The following LNX2 variants were observed in gnomAD, a reference collection of about 807,000 sequenced individuals.
The protein encoded by LNX2 is ligand of numb-protein X 2.
LNX2 carries 35 observed loss-of-function variants against 66.2 expected under a neutral mutation model. The observed-to-expected ratio is 0.53, with a 90% CI of 0.40 to 0.70. The LOEUF (loss-of-function observed/expected upper bound fraction) is 0.70, where lower values mean the gene tolerates loss of function less well. Among genes scored for constraint, LNX2 ranks in the 30% least tolerant of loss-of-function variants. The pLI is 0.00. For synonymous variants in LNX2, 337 were observed against 315.6 expected, an observed-to-expected ratio of 1.07 and a Z score of -0.72; for missense variants, 791 against 850.8, an observed-to-expected ratio of 0.93 and a Z score of 0.87.
At chr13:27,580,133 T>C (rs369387393) in intron 2 of LNX2, among the ~76,000 whole-genome samples, 16 of 152,242 alleles carry the variant, frequency 1.1e-4, no homozygotes, top group African/African-American at 3.6e-4. Flanking sequence ...TGAATGTGTA[T>C]TTCATGTGCA....
rs1181834268 is a variant in LNX2 at position 27,551,909 on chromosome 13, C to T, written c.1778+1299G>A. ...TTTCACGAAAAGCAGAGCAGAGCTG[C>T]TACACTATGCCGTGTGAAACCTGCA... On this transcript the variant is annotated intron_variant, in intron 8 of 9. Transcript: ENST00000316334. Among the ~76,000 whole-genome samples the T allele has an allele frequency of 3.3e-5, 5 of 152,280 alleles. No individual in the cohort carries two copies. The South Asian group carries it at 8.3e-4, about 25-fold the overall frequency.
chr13:27,620,029 C>T (rs1270383790), intron 1 of LNX2, among the ~76,000 whole-genome samples: 1 of 152,182 alleles, frequency 6.6e-6, no homozygotes, highest in Non-Finnish European at 1.5e-5. Flanking sequence ...CCACCTCTCC[C>T]TTCCCTTAAG....
At chr13:27,602,265 C>A (rs1441543353) in intron 1 of LNX2, among the ~76,000 whole-genome samples, 1 of 152,076 alleles carries the variant, frequency 6.6e-6, no homozygotes, top group African/African-American at 2.4e-5. Context: ...CTTAAGTCTA[C>A]ATTAATTAAG....
intron 4 of LNX2, among the ~76,000 whole-genome samples, chr13:27,566,405 C>G (rs1169502098): frequency 6.6e-6 from 1 of 152,172 alleles, no homozygotes; most frequent in Non-Finnish European, 1.5e-5. Flanking sequence ...CCACCAGCAA[C>G]TAGTATAGTG....
chr13:27,568,999 G>T, intron 3 of LNX2, 30 bp downstream of exon 3: 1 of 1,568,286 alleles, frequency 6.4e-7, no homozygotes, highest in South Asian at 1.2e-5. Flanking sequence ...AAATAGAGAT[G>T]AAATACACAA....
At chr13:27,585,092 G>T (rs1409784982) in intron 1 of LNX2, among the ~76,000 whole-genome samples, 5 of 149,926 alleles carry the variant, frequency 3.3e-5, no homozygotes, top group African/African-American at 1.2e-4. Context: ...CCGCACTCCA[G>T]CCTGGGTGAC....
intron 8 of LNX2, among the ~76,000 whole-genome samples, chr13:27,551,858 G>A (rs1040529939): frequency 1.1e-4 from 17 of 152,226 alleles, no homozygotes; most frequent in Admixed American, 9.2e-4. Flanking sequence ...GTATACCCCA[G>A]CAAATCGCAG....
intron 1 of LNX2, among the ~76,000 whole-genome samples, chr13:27,616,059 T>C (rs1955822151): frequency 6.6e-6 from 1 of 151,536 alleles, no homozygotes; most frequent in Admixed American, 6.6e-5. Context: ...CCCAAGATGG[T>C]AGGGGTGCAG....
At chr13:27,555,163 G>C (rs941824680) in intron 7 of LNX2, among the ~76,000 whole-genome samples, 5 of 152,160 alleles carry the variant, frequency 3.3e-5, no homozygotes, top group African/African-American at 1.2e-4. Flanking sequence ...TGCCCAGACT[G>C]TTCTCAAACT....
At chr13:27,609,159 C>CT (rs1491215893) in intron 1 of LNX2, among the ~76,000 whole-genome samples, 17 of 13,160 alleles carry the variant, frequency 1.3e-3, no homozygotes, top group Admixed American at 2.5e-3. Context: ...TTTTTTTTTT[C>CT]TTTTTTTTTA....
chr13:27,581,242 T>C, intron 2 of LNX2, 55 bp downstream of exon 2: 1 of 1,403,966 alleles, frequency 7.1e-7, no homozygotes, highest in Non-Finnish European at 9.4e-7. Context: ...TTTATGTTCA[T>C]TTGAACCACC....
chr13:27,613,400 C>A lies in LNX2; in HGVS notation c.-101+6975G>T, dbSNP rs75523219. ...GATAGGAGAAGAGACGGAGGTCCAA[C>A]TACAGGATATGTAAGTTTTAAGATT... On this transcript the variant is annotated intron_variant, in intron 1 of 9. Coordinates refer to ENST00000316334, the MANE Select transcript of LNX2 (RefSeq NM_153371.4). Among the ~76,000 whole-genome samples, 495 of 152,212 alleles carry A rather than the reference C, an allele frequency of 3.3e-3. 2 individuals are homozygous for A. The highest frequency in any genetic ancestry group is 0.012 in the African/African-American group (484 of 41,524).
chr13:27,593,888 G>A lies in LNX2; in HGVS notation c.-100-12085C>T, dbSNP rs112711411. On this transcript the variant is annotated intron_variant, in intron 1 of 9. Coordinates refer to ENST00000316334, the MANE Select transcript of LNX2 (RefSeq NM_153371.4). The stretch of plus-strand genomic sequence containing the variant: ...TGGGATTACAGGTGTGAGCCACCAC[G>A]CCCAGTCTGCTGGCTGAAATTATAC... Among the ~76,000 whole-genome samples, 868 of 151,438 alleles carry A rather than the reference G, an allele frequency of 5.7e-3. 5 individuals are homozygous for A. Among genetic ancestry groups the A allele is most frequent in the African/African-American group, 0.02 (827 of 41,234 alleles).
rs1955108401 is a variant in LNX2 at position 27,559,862 on chromosome 13, T to G, written c.1348A>C (p.Ser450Arg). ...SQHHTPPPYY[S>R]RPSSHKDLTQ... The stretch of plus-strand genomic sequence containing the variant: ...CTCACCTTATGTGAGCTTGGTCTGC[T>G]ATAATACGGTGGTGGTGTGTGGTGC... The change falls in exon 6 of 10, where the codon AGC becomes CGC. Residue 450 changes from serine (S) to arginine (R), a missense_variant. By Grantham distance (110) the Ser-to-Arg change is moderately radical. Coordinates refer to ENST00000316334, the MANE Select transcript of LNX2 (RefSeq NM_153371.4). The G allele has an allele frequency of 6.2e-7, 1 of 1,602,848 alleles. No homozygotes were observed. Among genetic ancestry groups the G allele is most frequent in the Non-Finnish European group, 8.5e-7 (1 of 1,172,912 alleles).
intron 1 of LNX2, among the ~76,000 whole-genome samples, chr13:27,588,375 A>T (rs1391839817): frequency 6.6e-6 from 1 of 152,128 alleles, no homozygotes; most frequent in Non-Finnish European, 1.5e-5. Flanking sequence ...ATGAACAACA[A>T]CCTCTATGAA....
At chr13:27,612,822 T>C (rs946099555) in intron 1 of LNX2, among the ~76,000 whole-genome samples, 6 of 152,202 alleles carry the variant, frequency 3.9e-5, no homozygotes, top group African/African-American at 1.2e-4. Context: ...AATCCTAAGC[T>C]TGAGTGATTC....
chr13:27,555,647 G>A (rs1316059887), intron 7 of LNX2, among the ~76,000 whole-genome samples: 1 of 152,124 alleles, frequency 6.6e-6, no homozygotes, highest in Non-Finnish European at 1.5e-5. Context: ...GATTTAATTT[G>A]TGTTTATGGT....
rs1566124679 is a variant in LNX2, at chr13:27,583,209, T to TGCGCGCGCGC, written c.-100-1407_-100-1406insGCGCGCGCGC. Among the ~76,000 whole-genome samples, 8 of 28,838 alleles carry TGCGCGCGCGC rather than the reference T, an allele frequency of 2.8e-4. 2 individuals are homozygous for TGCGCGCGCGC. The highest frequency in any genetic ancestry group is 1.0e-3 in the Admixed American group (3 of 2,872). The allele number at this position is 28,838 out of a possible 152,430, so 18.9% of individuals were successfully genotyped here. ...GTGTGTGTGTGTGTGTGTGTGTGTG[T>TGCGCGCGCGC]GTGTGTGTGTGTGTGTGTGTGTGTG... On this transcript the variant is annotated intron_variant, in intron 1 of 9. Transcript: ENST00000316334.
At chr13:27,616,409 A>G (rs962831125) in intron 1 of LNX2, among the ~76,000 whole-genome samples, 3 of 152,102 alleles carry the variant, frequency 2.0e-5, no homozygotes, top group Admixed American at 6.5e-5. Flanking sequence ...CTTAAAGTCT[A>G]TGTTAATGTT....
Sources: gnomAD v4.1 joint callset for allele counts (sites outside exome capture counted in the v4.1 genomes callset) on GRCh38, gnomAD v4.1.1 for gene constraint, MANE v1.5 for transcripts, NCBI Gene and HGNC (gene_info 2026-07-23, HGNC 2026-07-21) for gene names.